Variants in RBBP8 observed in about 807,000 individuals in gnomAD.
RBBP8 encodes DNA endonuclease RBBP8.
Under a neutral mutation model 108.3 loss-of-function variants are expected in RBBP8, and 88 were observed. The observed-to-expected ratio is 0.81, with a 90% confidence interval of 0.68 to 0.97. The LOEUF is 0.97. RBBP8 is among the 50% of genes least tolerant of loss of function. The probability of loss-of-function intolerance (pLI) is 0.00; values close to 1 mark genes in which losing one functional copy is unlikely to be tolerated. For synonymous variants in RBBP8, 332 were observed against 348.2 expected (o/e 0.95, Z 0.52); for missense variants, 1,023 against 1,049.0 (o/e 0.98, Z 0.34).
chr18:22,948,791 C>G (rs1288034836), intron 3 of RBBP8, among the ~76,000 whole-genome samples: 1 of 152,160 alleles, frequency 6.6e-6, no homozygotes, highest in Admixed American at 6.6e-5. Flanking sequence ...TTTTCAGCTT[C>G]AAGACTATAC....
intron 17 of RBBP8, 22 bp downstream of exon 17, chr18:23,016,946 A>G (rs774152600): frequency 1.3e-6 from 2 of 1,551,718 alleles, no homozygotes; most frequent in South Asian, 1.1e-5. Context: ...TGTAGATACT[A>G]ATTTTTTTTT....
chr18:23,021,720 G>A (rs764759186), intron 17 of RBBP8, among the ~76,000 whole-genome samples: 1 of 151,804 alleles, frequency 6.6e-6, no homozygotes, highest in Non-Finnish European at 1.5e-5. Flanking sequence ...TAAGAAACAT[G>A]TAGACCTCTG....
chr18:22,939,046 TTCCCTATG>T (rs999718817), intron 2 of RBBP8, among the ~76,000 whole-genome samples: 9 of 152,250 alleles, frequency 5.9e-5, no homozygotes, highest in African/African-American at 2.2e-4. Context: ...TTCTGTAACT[TTCCCTATG>T]TCCCTATGTA....
At chr18:22,943,845 G>GGAATTC (rs1235567081) in intron 2 of RBBP8, among the ~76,000 whole-genome samples, 1 of 152,118 alleles carries the variant, frequency 6.6e-6, no homozygotes, top group Non-Finnish European at 1.5e-5. Context: ...TAATGCATAA[G>GGAATTC]GAATTCTTGC....
At chr18:22,977,200 T>C (rs1914557495) in intron 6 of RBBP8, among the ~76,000 whole-genome samples, 1 of 105,408 alleles carries the variant, frequency 9.5e-6, no homozygotes, top group South Asian at 2.9e-4. Context: ...CTCAGCAGTT[T>C]TGTTTTGTTT....
intron 5 of RBBP8, among the ~76,000 whole-genome samples, chr18:22,973,413 A>G (rs958808861): frequency 1.3e-5 from 2 of 152,200 alleles, no homozygotes; most frequent in East Asian, 3.8e-4. Context: ...CAGAAATCTA[A>G]GGTCATCTTT....
At position 22,946,375 on chromosome 18, in the gene RBBP8, TTAA is replaced by T. The variant is rs1475165456; in HGVS notation, c.110-66_110-64del. ...TATTTAGAGGCCAGACTGATGTGACTTAATAGTGGAGCATTTGACTCATAAAGG... is the reference window on the plus strand; with the variant it reads ...TATTTAGAGGCCAGACTGATGTGACTTAGTGGAGCATTTGACTCATAAAGG... On this transcript the variant is annotated intron_variant, in intron 2 of 18. Coordinates refer to ENST00000327155, the MANE Select transcript of RBBP8 (RefSeq NM_002894.3). 3.3e-5 allele frequency: 52 copies of T among 1,592,068 alleles called. No homozygotes were observed. In the African/African-American group the frequency reaches 6.6e-4, roughly 20 times the overall value.
chr18:22,954,816 A>G (rs898552790), intron 4 of RBBP8, among the ~76,000 whole-genome samples: 5 of 152,142 alleles, frequency 3.3e-5, no homozygotes, highest in Non-Finnish European at 2.9e-5. Flanking sequence ...ACATGATGGC[A>G]GGAGGAAGTG....
chr18:22,978,706 C>G (rs997731173), intron 6 of RBBP8, among the ~76,000 whole-genome samples: 20 of 152,094 alleles, frequency 1.3e-4, no homozygotes, highest in African/African-American at 4.8e-4. Flanking sequence ...TCTCATATGA[C>G]TTTAACTTAC....
intron 4 of RBBP8, among the ~76,000 whole-genome samples, chr18:22,950,500 G>A (rs895983831): frequency 1.3e-5 from 2 of 151,376 alleles, no homozygotes; most frequent in African/African-American, 4.9e-5. Context: ...AGTCCAAAGT[G>A]ATTGAGGCTG....
At chr18:22,972,763 G>T (rs928575745) in intron 5 of RBBP8, among the ~76,000 whole-genome samples, 2 of 152,150 alleles carry the variant, frequency 1.3e-5, no homozygotes, top group South Asian at 4.1e-4. Context: ...CTCTTGCCCA[G>T]TATTTCATTT....
chr18:22,932,816 G>T (rs544628567), upstream of RBBP8, among the ~76,000 whole-genome samples: 2 of 152,282 alleles, frequency 1.3e-5, no homozygotes, highest in South Asian at 4.1e-4. Context: ...TGCTGAAGGA[G>T]ATTCCTTCTC....
At chr18:22,932,776 T>C (rs936591899), upstream of RBBP8, among the ~76,000 whole-genome samples, 1 of 152,206 alleles carries the variant, frequency 6.6e-6, no homozygotes, top group African/African-American at 2.4e-5. Flanking sequence ...TAAAAAAAAT[T>C]ATCTAACAGC....
Position 22,982,317 on chromosome 18 carries a change from A to G in RBBP8, c.528A>G (p.Leu176=). 1 of 1,614,206 alleles carries G rather than the reference A, an allele frequency of 6.2e-7. No homozygotes were observed. Among genetic ancestry groups the G allele is most frequent in the Non-Finnish European group, 8.5e-7 (1 of 1,180,028 alleles). The change falls in exon 7 of 19, where the codon CTA becomes CTG. Residue 176 remains leucine, a synonymous_variant. Coordinates refer to ENST00000327155, the MANE Select transcript of RBBP8 (RefSeq NM_002894.3). The part of the protein sequence containing the change: ...TAFSFSGVNR[L]RRKENPHVRY... ...TCTCATTTTCTGGCGTTAACCGGCT[A>G]CGAAGAAAGGAGAACCCCCATGTCC... is the stretch of plus-strand genomic sequence containing the variant.
intron 16 of RBBP8, among the ~76,000 whole-genome samples, chr18:23,008,111 G>A (rs373387393): frequency 1.5e-4 from 23 of 152,142 alleles, no homozygotes; most frequent in Middle Eastern, 3.4e-3. Context: ...CACGCCTGGC[G>A]CTAAGCATCT....
At chr18:23,022,651 TATAAAATAAAATAAAATA>T (rs1568010432) in intron 18 of RBBP8, among the ~76,000 whole-genome samples, 1 of 84,370 alleles carries the variant, frequency 1.2e-5, no homozygotes, top group Non-Finnish European at 2.3e-5. Flanking sequence ...TAAAATACAA[TATAAAATAAAATAAAATA>T]AATAACTGTA....
intron 2 of RBBP8, among the ~76,000 whole-genome samples, chr18:22,942,090 T>C (rs1489774444): frequency 1.3e-5 from 2 of 152,044 alleles, no homozygotes; most frequent in Non-Finnish European, 2.9e-5. Flanking sequence ...GGGAATCCAT[T>C]TGTAGAAACC....
At chr18:22,990,862 A>G (rs1915634184) in intron 9 of RBBP8, 75 bp from the exon 10 acceptor site, 3 of 1,092,192 alleles carry the variant, frequency 2.7e-6, no homozygotes, top group South Asian at 1.3e-5. Flanking sequence ...ATCATAACAT[A>G]TATCAGTACT....
intron 16 of RBBP8, among the ~76,000 whole-genome samples, chr18:23,009,585 A>G (rs1343298468): frequency 6.6e-6 from 1 of 151,328 alleles, no homozygotes; most frequent in Non-Finnish European, 1.5e-5. Context: ...GTACCAGACT[A>G]CAAGTATATT....
Sources: allele counts gnomAD v4.1 joint callset (sites outside exome capture counted in the v4.1 genomes callset), GRCh38; gene constraint gnomAD v4.1.1; transcripts MANE v1.5; gene names NCBI Gene and HGNC (gene_info 2026-07-23, HGNC 2026-07-21).